The following ZNF516 variants were observed in gnomAD, a reference collection of about 807,000 sequenced individuals.
ZNF516 encodes zinc finger protein 516.
A neutral mutation model predicts 79.7 loss-of-function variants in ZNF516; 19 were observed. The observed-to-expected ratio is 0.24, with a 90% CI of 0.17 to 0.35. The LOEUF (loss-of-function observed/expected upper bound fraction) is 0.35, where lower values mean the gene tolerates loss of function less well. ZNF516 is among the 10% of genes least tolerant of loss of function. The pLI, the probability that ZNF516 is intolerant of heterozygous loss-of-function variation, is 1.00. For missense variants in ZNF516, 1,678 were observed against 1,679.5 expected (o/e 1.00, Z 0.02); for synonymous variants, 877 against 739.5 (o/e 1.19, Z -3.02).
At chr18:76,421,596 A>C (rs1326479643) in intron 3 of ZNF516, among the ~76,000 whole-genome samples, 2 of 152,224 alleles carry the variant, frequency 1.3e-5, no homozygotes, top group African/African-American at 4.8e-5. Flanking sequence ...GAAATGGGGC[A>C]TAAGAATTCC....
Position 76,441,746 on chromosome 18 carries a change from C to G in ZNF516, c.1309G>C (p.Gly437Arg). The change falls in exon 3 of 7, where the codon GGG becomes CGG. Residue 437 changes from glycine (G) to arginine (R), a missense_variant. Physicochemically the swap from Gly to Arg is moderately radical, Grantham distance 125. Coordinates refer to ENST00000443185, the MANE Select transcript of ZNF516 (RefSeq NM_014643.4). ...VAEPAEYLKY[G>R]AWDEALAGDV... Reference sequence around the variant, plus strand: ...CCGGCCAGCGCCTCGTCCCAGGCCCCGTACTTGAGGTACTCGGCCGGCTCG... The same window carrying G: ...CCGGCCAGCGCCTCGTCCCAGGCCCGGTACTTGAGGTACTCGGCCGGCTCG... The G allele has an allele frequency of 6.4e-7, 1 of 1,572,874 alleles. No individual in the cohort carries two copies. Among genetic ancestry groups the G allele is most frequent in the Non-Finnish European group, 8.6e-7 (1 of 1,164,930 alleles).
At chr18:76,492,363 G>A in intron 1 of ZNF516, 1 of 985,334 alleles carries the variant, frequency 1.0e-6, no homozygotes, top group East Asian at 1.1e-4. Flanking sequence ...GGGGTGGCCG[G>A]TGACGCGCTG....
intron 2 of ZNF516, among the ~76,000 whole-genome samples, chr18:76,445,488 G>A (rs1911987488): frequency 6.6e-6 from 1 of 152,140 alleles, no homozygotes; most frequent in Admixed American, 6.5e-5. Flanking sequence ...CCACAAAAAT[G>A]CTGAATCTGA....
At position 76,467,674 on chromosome 18, in the gene ZNF516, G is replaced by A. The variant is rs867423813; in HGVS notation, c.-271-4533C>T. Among the ~76,000 whole-genome samples the A allele has an allele frequency of 1.1e-4, 16 of 152,280 alleles. No individual in the cohort carries two copies. Among genetic ancestry groups the A allele is most frequent in the Middle Eastern group, 6.8e-3 (2 of 294 alleles). On this transcript the variant is annotated intron_variant, in intron 1 of 6. Coordinates refer to ENST00000443185, the MANE Select transcript of ZNF516 (RefSeq NM_014643.4). The surrounding 1 kb of genome is among the most constrained non-coding windows in gnomAD (Gnocchi z 4.2). ...GACAACAGCCCCAGCCCACTCAAAG[G>A]CTACACCTCAAAAACATGTTGCAAT...
At chr18:76,420,744 TAA>T (rs781146426) in intron 3 of ZNF516, among the ~76,000 whole-genome samples, 1 of 150,896 alleles carries the variant, frequency 6.6e-6, no homozygotes, top group Non-Finnish European at 1.5e-5. Context: ...TCTATATATA[TAA>T]AAAAAAACAA....
chr18:76,417,413 G>A (rs1035494571), intron 3 of ZNF516, among the ~76,000 whole-genome samples: 9 of 152,150 alleles, frequency 5.9e-5, no homozygotes, highest in South Asian at 2.1e-4. Context: ...CTTCAATAAC[G>A]GGGAAACATC....
chr18:76,492,404 G>C (rs1915284350), intron 1 of ZNF516: 2 of 976,042 alleles, frequency 2.0e-6, no homozygotes, highest in African/African-American at 1.8e-5. Flanking sequence ...GTGCGGGTCA[G>C]ACGCAGCCAG....
intron 1 of ZNF516, among the ~76,000 whole-genome samples, chr18:76,470,454 G>A (rs1049944671): frequency 5.9e-5 from 9 of 152,198 alleles, no homozygotes; most frequent in South Asian, 2.1e-4. Context: ...AACATTTAGC[G>A]GACACTGCAC....
intron 2 of ZNF516, among the ~76,000 whole-genome samples, chr18:76,443,806 A>G (rs1158093113): frequency 1.3e-5 from 2 of 152,194 alleles, no homozygotes; most frequent in Non-Finnish European, 2.9e-5. Flanking sequence ...CCCGCAACAC[A>G]CCTAGGCTGT....
At chr18:76,436,503 C>T (rs569016554) in intron 3 of ZNF516, among the ~76,000 whole-genome samples, 1 of 152,198 alleles carries the variant, frequency 6.6e-6, no homozygotes, top group East Asian at 1.9e-4. Flanking sequence ...TCAGAGAGAG[C>T]TTTGCCCGTG....
chr18:76,490,763 A>G, intron 1 of ZNF516: 1 of 985,438 alleles, frequency 1.0e-6, no homozygotes, highest in Non-Finnish European at 1.2e-6. Flanking sequence ...TCCCCACTAA[A>G]GTTCCTTTTG....
chr18:76,441,209 T>C (rs1199167825), intron 3 of ZNF516, 36 bp downstream of exon 3: 2 of 1,589,262 alleles, frequency 1.3e-6, no homozygotes. Context: ...GAGCCTGGGA[T>C]CCCAGGACCC....
intron 3 of ZNF516, 145 bp from the exon 4 acceptor site, chr18:76,380,448 A>C (rs1599151202): frequency 2.0e-6 from 2 of 1,006,326 alleles, no homozygotes. Flanking sequence ...CTCTTAGAAA[A>C]CCCCTGAGGA....
chr18:76,485,086 CT>C (rs1914753040), intron 1 of ZNF516, among the ~76,000 whole-genome samples: 1 of 152,148 alleles, frequency 6.6e-6, no homozygotes, highest in South Asian at 2.1e-4. Flanking sequence ...ATGAGATCGT[CT>C]TGCTTGCCTC....
chr18:76,455,874 A>G (rs1379589119), intron 2 of ZNF516, among the ~76,000 whole-genome samples: 1 of 152,178 alleles, frequency 6.6e-6, no homozygotes, highest in Non-Finnish European at 1.5e-5. Flanking sequence ...GTACTGAAAA[A>G]TGACTCCAAA....
In ZNF516 at chr18:76,361,663, T is replaced by C. The variant is rs1393737744; in HGVS notation, c.*835A>G. 1 of 152,232 alleles carries C rather than the reference T, an allele frequency of 6.6e-6. No individual in the cohort carries two copies. Among genetic ancestry groups the C allele is most frequent in the South Asian group, 2.1e-4 (1 of 4,824 alleles). The allele number at this position is 152,232 out of a possible 1,614,324, so 9.4% of individuals were successfully genotyped here. On this transcript the variant is annotated 3_prime_UTR_variant, in exon 7 of 7. Coordinates refer to ENST00000443185, the MANE Select transcript of ZNF516 (RefSeq NM_014643.4). ...TTTGTTAAGACGTATAGTCTTCCTT[T>C]GTAAGCAGTTTGCAGAATGTAGCCC...
chr18:76,436,517 C>T (rs1360233517), intron 3 of ZNF516, among the ~76,000 whole-genome samples: 1 of 152,164 alleles, frequency 6.6e-6, no homozygotes, highest in Non-Finnish European at 1.5e-5. Flanking sequence ...GCCCGTGTTG[C>T]GTCCAAGCCA....
At chr18:76,391,311 A>T (rs1390406940) in intron 3 of ZNF516, among the ~76,000 whole-genome samples, 2 of 151,880 alleles carry the variant, frequency 1.3e-5, no homozygotes, top group Non-Finnish European at 2.9e-5. Flanking sequence ...CAGTAGCAAT[A>T]CACCTAACCC....
chr18:76,431,733 CCTTG>C (rs1000270973), intron 3 of ZNF516, among the ~76,000 whole-genome samples: 11 of 152,204 alleles, frequency 7.2e-5, no homozygotes, highest in African/African-American at 2.7e-4. Context: ...CATGGGCTCC[CCTTG>C]ATCTTCCACC....
Sources: gnomAD v4.1 joint callset for allele counts (sites outside exome capture counted in the v4.1 genomes callset) on GRCh38, gnomAD v4.1.1 for gene constraint, Gnocchi (gnomAD v3.1) non-coding constraint, MANE v1.5 for transcripts, NCBI Gene and HGNC (gene_info 2026-07-23, HGNC 2026-07-21) for gene names.